GRB14: variants seen among roughly 807,000 people sequenced by gnomAD.
The protein encoded by GRB14 is growth factor receptor bound protein 14, also known as growth factor receptor-bound protein 14.
A neutral mutation model predicts 69.1 loss-of-function variants in GRB14; 38 were observed. The observed-to-expected ratio is 0.55, with a 90% CI of 0.42 to 0.72. The LOEUF (loss-of-function observed/expected upper bound fraction) is 0.72, where lower values mean the gene tolerates loss of function less well. Ranked by LOEUF, GRB14 falls within the 30% of genes least tolerant of loss-of-function variation. GRB14 has a pLI of 0.00. For synonymous variants in GRB14, 247 were observed against 241.3 expected (o/e 1.02, Z -0.22); for missense variants, 666 against 666.1 (o/e 1.00, Z 0.00).
At chr2:164,579,681 G>A (rs1468032045) in intron 2 of GRB14, among the ~76,000 whole-genome samples, 1 of 151,472 alleles carries the variant, frequency 6.6e-6, no homozygotes, top group Admixed American at 6.6e-5. Context: ...GCCTAATCCC[G>A]GAATAGATTT....
At chr2:164,507,640 G>A (rs1203857040) in intron 8 of GRB14, among the ~76,000 whole-genome samples, 1 of 152,128 alleles carries the variant, frequency 6.6e-6, no homozygotes, top group Non-Finnish European at 1.5e-5. Flanking sequence ...TTCAGCAGCA[G>A]CAATACTAAC....
At chr2:164,529,453 T>C (rs552121610) in intron 3 of GRB14, among the ~76,000 whole-genome samples, 1 of 152,342 alleles carries the variant, frequency 6.6e-6, no homozygotes, top group African/African-American at 2.4e-5. Flanking sequence ...CAAAGTCATC[T>C]ACATTTTTCC....
intron 2 of GRB14, among the ~76,000 whole-genome samples, chr2:164,608,092 C>T (rs1690081913): frequency 6.6e-6 from 1 of 152,104 alleles, no homozygotes; most frequent in Non-Finnish European, 1.5e-5. Context: ...TACATTTTGG[C>T]CAGGCACAGT....
At chr2:164,517,198 A>T (rs945712894) in intron 6 of GRB14, among the ~76,000 whole-genome samples, 1 of 152,194 alleles carries the variant, frequency 6.6e-6, no homozygotes, top group African/African-American at 2.4e-5. Context: ...GAACTTGTGC[A>T]GGGAAACTCC....
At position 164,620,861 on chromosome 2, in the gene GRB14, G is replaced by C. The variant is rs185861618; in HGVS notation, c.191+258C>G. The stretch of plus-strand genomic sequence containing the variant: ...AGAAGGTGATCAGCCTGCAGCCTGA[G>C]CTCCTAGTTTCACCACCGATGGGCA... On this transcript the variant is annotated intron_variant, in intron 1 of 13. Transcript: ENST00000263915. 3.4e-3 allele frequency among the ~76,000 whole-genome samples: 517 copies of C among 152,320 alleles called. 6 individuals are homozygous for C. The highest frequency in any genetic ancestry group is 0.012 in the African/African-American group (487 of 41,570).
chr2:164,543,645 T>A (rs577016268), intron 3 of GRB14, among the ~76,000 whole-genome samples: 6 of 152,302 alleles, frequency 3.9e-5, no homozygotes, highest in African/African-American at 1.4e-4. Flanking sequence ...AGACTTGCAG[T>A]AAAGATGTCA....
At chr2:164,535,484 C>A (rs1688056629) in intron 3 of GRB14, among the ~76,000 whole-genome samples, 1 of 152,200 alleles carries the variant, frequency 6.6e-6, no homozygotes, top group African/African-American at 2.4e-5. Flanking sequence ...TGAGTCCCTA[C>A]TCTTCTCTCA....
intron 2 of GRB14, among the ~76,000 whole-genome samples, chr2:164,589,978 G>C (rs1447013768): frequency 6.6e-6 from 1 of 152,082 alleles, no homozygotes; most frequent in Non-Finnish European, 1.5e-5. Context: ...ATGAGAGCTA[G>C]CTAGCTCTCA....
At position 164,492,618 on chromosome 2, in the gene GRB14, AT is replaced by A. The variant is rs534287831; in HGVS notation, c.*417del. Among the ~76,000 whole-genome samples, 105 of 151,780 alleles carry A rather than the reference AT, an allele frequency of 6.9e-4. No homozygotes were observed. Among genetic ancestry groups the A allele is most frequent in the Non-Finnish European group, 1.2e-3 (83 of 67,884 alleles). On this transcript the variant is annotated 3_prime_UTR_variant, in exon 14 of 14. Coordinates refer to ENST00000263915, the MANE Select transcript of GRB14 (RefSeq NM_004490.3). Reference sequence around the variant, plus strand: ...TTCTTTTAATTGATAAGTTATTATCATATTTCTTAACATTAAAAAATAGTAT... The same window carrying A: ...TTCTTTTAATTGATAAGTTATTATCAATTTCTTAACATTAAAAAATAGTAT...
At chr2:164,619,099 A>G (rs551314015) in intron 2 of GRB14, among the ~76,000 whole-genome samples, 1 of 152,348 alleles carries the variant, frequency 6.6e-6, no homozygotes, top group East Asian at 1.9e-4. Flanking sequence ...GGAGAAAATC[A>G]TAAAGATATG....
At chr2:164,584,295 G>C (rs919104359) in intron 2 of GRB14, among the ~76,000 whole-genome samples, 1 of 150,690 alleles carries the variant, frequency 6.6e-6, no homozygotes. Flanking sequence ...GTGAACCACC[G>C]CACCAGGCCA....
chr2:164,594,850 G>A (rs1034119047), intron 2 of GRB14, among the ~76,000 whole-genome samples: 1 of 152,142 alleles, frequency 6.6e-6, no homozygotes, highest in Non-Finnish European at 1.5e-5. Context: ...TTCAAGAAGA[G>A]GCAAAGAAAA....
intron 6 of GRB14, among the ~76,000 whole-genome samples, chr2:164,518,528 A>G (rs1040438717): frequency 6.6e-6 from 1 of 152,140 alleles, no homozygotes; most frequent in Admixed American, 6.6e-5. Context: ...TCAGAGAAGA[A>G]CTAAATAAAA....
At chr2:164,603,173 G>A (rs552496844) in intron 2 of GRB14, among the ~76,000 whole-genome samples, 188 of 152,172 alleles carry the variant, frequency 1.2e-3, no homozygotes, top group Non-Finnish European at 2.1e-3. Flanking sequence ...TAGCCATTTA[G>A]CATTATTGCT....
At chr2:164,608,995 A>G (rs1015764573) in intron 2 of GRB14, among the ~76,000 whole-genome samples, 2 of 152,218 alleles carry the variant, frequency 1.3e-5, no homozygotes, top group African/African-American at 2.4e-5. Flanking sequence ...TAACACACAC[A>G]AAATTTGAAA....
intron 8 of GRB14, among the ~76,000 whole-genome samples, chr2:164,503,442 CAAAAAAAA>C (rs148268784): frequency 3.3e-5 from 3 of 92,232 alleles, no homozygotes; most frequent in East Asian, 1.1e-3. Context: ...GGTAATTAGG[CAAAAAAAA>C]AAAAAAAAAA....
intron 2 of GRB14, among the ~76,000 whole-genome samples, chr2:164,566,976 T>C (rs1278463062): frequency 6.6e-6 from 1 of 152,064 alleles, no homozygotes; most frequent in Non-Finnish European, 1.5e-5. Flanking sequence ...AACCATATGA[T>C]AGAAGTTTCT....
At chr2:164,611,157 G>C (rs1242628767) in intron 2 of GRB14, among the ~76,000 whole-genome samples, 1 of 152,186 alleles carries the variant, frequency 6.6e-6, no homozygotes, top group Non-Finnish European at 1.5e-5. Context: ...AAGCCATGGA[G>C]AGTCCTGTCA....
chr2:164,545,001 T>C (rs976062134), intron 3 of GRB14, among the ~76,000 whole-genome samples: 6 of 152,228 alleles, frequency 3.9e-5, no homozygotes, highest in Admixed American at 2.0e-4. Context: ...AGGATGTTCA[T>C]TTGAACAGAA....
Sources: allele counts gnomAD v4.1 joint callset (sites outside exome capture counted in the v4.1 genomes callset), GRCh38; gene constraint gnomAD v4.1.1; transcripts MANE v1.5; gene names NCBI Gene and HGNC (gene_info 2026-07-23, HGNC 2026-07-21).